AFF1: variants seen among roughly 807,000 people sequenced by gnomAD.
AFF1 encodes ALF transcription elongation factor 1.
Under a neutral mutation model 121.7 loss-of-function variants are expected in AFF1, and 48 were observed. The ratio of observed to expected loss-of-function variants is 0.39; its 90% confidence interval spans 0.31 to 0.50. AFF1 has a LOEUF of 0.50. Among genes scored for constraint, AFF1 ranks in the 20% least tolerant of loss-of-function variants. The pLI is 0.76. For missense variants in AFF1, 1,523 were observed against 1,511.7 expected (o/e 1.01, Z -0.12); for synonymous variants, 613 against 563.0 (o/e 1.09, Z -1.26).
rs1384079195 is a variant in AFF1 at position 87,126,969 on chromosome 4, T to C, written c.2812-57T>C. On this transcript the variant is annotated intron_variant, in intron 14 of 20. Transcript: ENST00000395146. ...GGCTATTTAAGAGGGATGGTACTTT[T>C]AGGACAGTGGTCTTAAATGTTAGAG... is the stretch of plus-strand genomic sequence containing the variant. The C allele has an allele frequency of 9.5e-6, 14 of 1,470,198 alleles. No homozygotes were observed. The East Asian group carries it at 1.8e-4, about 19-fold the overall frequency. 91.1% of individuals were successfully genotyped at this position (1,470,198 alleles called of 1,614,324 possible).
intron 2 of AFF1, among the ~76,000 whole-genome samples, chr4:87,038,978 C>T (rs1161928026): frequency 6.6e-6 from 1 of 152,078 alleles, no homozygotes; most frequent in African/African-American, 2.4e-5. Context: ...CACAGCCAGC[C>T]CTGTGGGCCG....
At chr4:87,049,002 C>A (rs530244167) in intron 4 of AFF1, among the ~76,000 whole-genome samples, 27 of 139,914 alleles carry the variant, frequency 1.9e-4, no homozygotes, top group African/African-American at 2.6e-4. Context: ...CCCCTGCCTT[C>A]TAATTCAGGC....
intron 1 of AFF1, among the ~76,000 whole-genome samples, chr4:86,941,087 C>T (rs1222524649): frequency 6.6e-6 from 1 of 152,032 alleles, no homozygotes; most frequent in Non-Finnish European, 1.5e-5. Context: ...GAACGTGACT[C>T]GGTTTCAAAA....
chr4:87,086,114 T>C (rs1182717009), intron 5 of AFF1, among the ~76,000 whole-genome samples: 1 of 152,206 alleles, frequency 6.6e-6, no homozygotes, highest in East Asian at 1.9e-4. Context: ...GTTACCTCGA[T>C]TACATTTTTT....
At chr4:87,054,663 G>A (rs1027439854) in intron 4 of AFF1, among the ~76,000 whole-genome samples, 1 of 152,204 alleles carries the variant, frequency 6.6e-6, no homozygotes, top group Non-Finnish European at 1.5e-5. Context: ...TGCTGCCATG[G>A]GTGGTGCCTG....
chr4:87,131,933 C>T (rs342466), intron 18 of AFF1, 69 bp downstream of exon 18: 803,410 of 1,317,200 alleles, frequency 0.61, 247,080 homozygotes, highest in African/African-American at 0.73. Flanking sequence ...CAAAAAGATT[C>T]TGAAATTTGT....
intron 3 of AFF1, 52 bp downstream of exon 3, chr4:87,046,338 C>CCTAT (rs1730692226): frequency 1.3e-6 from 2 of 1,585,514 alleles, no homozygotes; most frequent in Admixed American, 1.9e-5. Flanking sequence ...AATGTTGAAC[C>CCTAT]CTATGATGAA....
chr4:87,027,771 T>G (rs1490243689), intron 2 of AFF1, among the ~76,000 whole-genome samples: 1 of 151,186 alleles, frequency 6.6e-6, no homozygotes, highest in Non-Finnish European at 1.5e-5. Context: ...CTTTTTGTTG[T>G]TGTTGCTGTT....
chr4:86,952,821 C>T (rs1162116234), intron 2 of AFF1, among the ~76,000 whole-genome samples: 4 of 151,498 alleles, frequency 2.6e-5, no homozygotes, highest in Non-Finnish European at 5.9e-5. Context: ...GCTGGCACTA[C>T]AGGCACCCAC....
At chr4:87,083,368 T>C (rs1329503776) in intron 4 of AFF1, among the ~76,000 whole-genome samples, 1 of 152,246 alleles carries the variant, frequency 6.6e-6, no homozygotes, top group Non-Finnish European at 1.5e-5. Flanking sequence ...TGTATGTATA[T>C]ATGCATGTAT....
chr4:87,086,093 A>G (rs958725720), intron 5 of AFF1, among the ~76,000 whole-genome samples: 1 of 152,196 alleles, frequency 6.6e-6, no homozygotes, highest in Non-Finnish European at 1.5e-5. Context: ...CCAGCATGTA[A>G]GATTAAATAA....
intron 2 of AFF1, among the ~76,000 whole-genome samples, chr4:86,969,765 A>G (rs2149477928): frequency 6.6e-6 from 1 of 150,876 alleles, no homozygotes; most frequent in South Asian, 2.1e-4. Context: ...CTATAGTCCC[A>G]GCTACTCGGG....
At chr4:86,996,722 TAAAACAAAC>T (rs1287624612) in intron 2 of AFF1, among the ~76,000 whole-genome samples, 10 of 150,350 alleles carry the variant, frequency 6.7e-5, no homozygotes, top group African/African-American at 2.5e-4. Flanking sequence ...AATGATCAAT[TAAAACAAAC>T]AAACAAACAA....
intron 7 of AFF1, 46 bp from the exon 8 acceptor site, chr4:87,094,869 G>C: frequency 6.3e-7 from 1 of 1,587,040 alleles, no homozygotes. Context: ...TAAGGATCTT[G>C]TAAATATGTG....
At chr4:86,964,015 A>G (rs1180114895) in intron 2 of AFF1, among the ~76,000 whole-genome samples, 1 of 132,504 alleles carries the variant, frequency 7.5e-6, no homozygotes, top group Non-Finnish European at 1.6e-5. Context: ...CTGGGATCTC[A>G]CCATGTTGCC....
intron 2 of AFF1, among the ~76,000 whole-genome samples, chr4:87,042,740 T>C (rs1730285231): frequency 6.6e-6 from 1 of 152,222 alleles, no homozygotes; most frequent in African/African-American, 2.4e-5. Flanking sequence ...GAATCCTTAA[T>C]TTAATAGGAT....
At chr4:87,116,671 C>A (rs982923599) in intron 12 of AFF1, among the ~76,000 whole-genome samples, 1 of 152,252 alleles carries the variant, frequency 6.6e-6, no homozygotes, top group African/African-American at 2.4e-5. Context: ...TTCTTCAGAA[C>A]CTCCTTGCAG....
At chr4:86,989,058 A>G (rs186163150) in intron 2 of AFF1, among the ~76,000 whole-genome samples, 1 of 152,330 alleles carries the variant, frequency 6.6e-6, no homozygotes, top group East Asian at 1.9e-4. Flanking sequence ...AAAGACTTAA[A>G]CATAAGACCT....
At chr4:87,063,737 A>G (rs1663715074) in intron 4 of AFF1, among the ~76,000 whole-genome samples, 1 of 152,234 alleles carries the variant, frequency 6.6e-6, no homozygotes, top group Non-Finnish European at 1.5e-5. Context: ...TGTGAGAATT[A>G]AATGGGATAT....
Sources: gnomAD v4.1 joint callset for allele counts (sites outside exome capture counted in the v4.1 genomes callset) on GRCh38, gnomAD v4.1.1 for gene constraint, MANE v1.5 for transcripts, NCBI Gene and HGNC (gene_info 2026-07-23, HGNC 2026-07-21) for gene names.